The following FGF18 variants were observed in gnomAD, a reference collection of about 807,000 sequenced individuals.
FGF18 encodes fibroblast growth factor 18.
Under a neutral mutation model 23.0 loss-of-function variants are expected in FGF18, and 5 were observed. The ratio of observed to expected loss-of-function variants is 0.22; its 90% confidence interval spans 0.11 to 0.46. FGF18 has a LOEUF of 0.46. FGF18 is among the 20% of genes least tolerant of loss of function. The pLI is 0.99. For missense variants in FGF18, 180 were observed against 291.6 expected (o/e 0.62, Z 2.79); for synonymous variants, 117 against 118.9 (o/e 0.98, Z 0.10).
At chr5:171,452,056 G>A (rs1459117554) in intron 4 of FGF18, among the ~76,000 whole-genome samples, 5 of 152,188 alleles carry the variant, frequency 3.3e-5, no homozygotes, top group African/African-American at 9.7e-5. Context: ...GGGCTCCGGG[G>A]GCACCAAAGA....
At chr5:171,430,056 A>G (rs1298354053) in intron 2 of FGF18, among the ~76,000 whole-genome samples, 1 of 152,206 alleles carries the variant, frequency 6.6e-6, no homozygotes, top group African/African-American at 2.4e-5. Flanking sequence ...TCTCTGTAAA[A>G]TGGGAATAAT....
chr5:171,424,466 G>C (rs1772062465), intron 2 of FGF18, among the ~76,000 whole-genome samples: 1 of 152,244 alleles, frequency 6.6e-6, no homozygotes, highest in Non-Finnish European at 1.5e-5. Context: ...TTCACAGATG[G>C]AGAAACCGAG....
intron 2 of FGF18, among the ~76,000 whole-genome samples, chr5:171,424,444 T>C (rs1772062257): frequency 6.6e-6 from 1 of 152,174 alleles, no homozygotes; most frequent in Admixed American, 6.5e-5. Flanking sequence ...CAAGAGAGGG[T>C]AATAATTCTG....
At chr5:171,449,492 G>A (rs377015632) in intron 4 of FGF18, among the ~76,000 whole-genome samples, 5 of 151,442 alleles carry the variant, frequency 3.3e-5, no homozygotes, top group Admixed American at 6.6e-5. Flanking sequence ...TCTCTTCCCC[G>A]GGCACTTGAA....
intron 3 of FGF18, among the ~76,000 whole-genome samples, chr5:171,437,779 A>T (rs537762230): frequency 4.9e-4 from 74 of 152,298 alleles, no homozygotes; most frequent in African/African-American, 1.5e-3. Flanking sequence ...TGGCCGTGGC[A>T]GGAGGAGGTG....
chr5:171,432,344 A>G (rs1378307353), intron 2 of FGF18, among the ~76,000 whole-genome samples: 1 of 150,756 alleles, frequency 6.6e-6, no homozygotes, highest in African/African-American at 2.4e-5. Context: ...CTGAGGTGCC[A>G]TGTCTGGGGG....
intron 4 of FGF18, among the ~76,000 whole-genome samples, chr5:171,450,959 G>A (rs1772495706): frequency 6.6e-6 from 1 of 151,990 alleles, no homozygotes; most frequent in African/African-American, 2.4e-5. Flanking sequence ...CCCACGCCGC[G>A]GCCCGCCCTC....
At position 171,438,394 on chromosome 5, in the gene FGF18, G is replaced by A. The variant is rs571049743; in HGVS notation, c.250+2121G>A. Among the ~76,000 whole-genome samples, 20 of 152,082 alleles carry A rather than the reference G, an allele frequency of 1.3e-4. 1 individual carries two copies. In the South Asian group the frequency reaches 2.7e-3, roughly 21 times the overall value. ...TGGGATTACAGGTGTGAGCATGGCC[G>A]CGCCCGGCCATGCTTCTTAAGTGTA... On this transcript the variant is annotated intron_variant, in intron 3 of 4. Transcript: ENST00000274625.
At chr5:171,444,451 A>T (rs568656108) in intron 3 of FGF18, among the ~76,000 whole-genome samples, 51 of 152,368 alleles carry the variant, frequency 3.3e-4, no homozygotes, top group African/African-American at 1.1e-3. Context: ...AATGCATGTA[A>T]GGTAGTTAGG....
At chr5:171,425,155 T>C (rs901120271) in intron 2 of FGF18, among the ~76,000 whole-genome samples, 1 of 152,132 alleles carries the variant, frequency 6.6e-6, no homozygotes, top group Admixed American at 6.5e-5. Flanking sequence ...GTGTGGAAAA[T>C]TGGGGTGCAG....
intron 3 of FGF18, among the ~76,000 whole-genome samples, chr5:171,438,642 C>T (rs1772289595): frequency 1.3e-5 from 2 of 152,072 alleles, no homozygotes; most frequent in Non-Finnish European, 1.5e-5. Flanking sequence ...ACTCCTCCGA[C>T]CCCCCGACAC....
chr5:171,449,596 G>GGCACCCCGGCTACATGTCCCT (rs983435999), intron 4 of FGF18, among the ~76,000 whole-genome samples: 9 of 151,998 alleles, frequency 5.9e-5, no homozygotes, highest in African/African-American at 1.7e-4. Flanking sequence ...GGGGCTCTGG[G>GGCACCCCGGCTACATGTCCCT]GCACCCCGGC....
At chr5:171,432,005 C>T (rs1057093353) in intron 2 of FGF18, among the ~76,000 whole-genome samples, 71 of 152,186 alleles carry the variant, frequency 4.7e-4, no homozygotes, top group African/African-American at 1.5e-3. Flanking sequence ...GCCGAGATCG[C>T]GCCACTGCAC....
intron 2 of FGF18, among the ~76,000 whole-genome samples, chr5:171,432,791 G>A (rs958231081): frequency 2.6e-5 from 4 of 152,212 alleles, no homozygotes; most frequent in African/African-American, 7.2e-5. Flanking sequence ...CCCTCTGTGG[G>A]GCACTCTGGT....
At chr5:171,424,241 GCCCCCTCCTCT>G (rs1772060395) in intron 2 of FGF18, among the ~76,000 whole-genome samples, 1 of 152,198 alleles carries the variant, frequency 6.6e-6, no homozygotes, top group Non-Finnish European at 1.5e-5. Flanking sequence ...TGTCTATTCT[GCCCCCTCCTCT>G]CCCAGCACTG....
chr5:171,423,513 G>A (rs879597726), intron 2 of FGF18, among the ~76,000 whole-genome samples: 7 of 152,138 alleles, frequency 4.6e-5, no homozygotes, highest in Admixed American at 2.0e-4. Context: ...TCGGCGGGGT[G>A]GGGGGGCATC....
Position 171,457,278 on chromosome 5 carries a change from C to G in FGF18, c.*473C>G, listed in dbSNP as rs1421799125. 9.0e-5 allele frequency: 14 copies of G among 155,452 alleles called. No homozygotes were observed. The highest frequency in any genetic ancestry group is 1.6e-4 in the Non-Finnish European group (11 of 70,216). The allele number at this position is 155,452 out of a possible 1,614,324, so 9.6% of individuals were successfully genotyped here. A position where few individuals can be genotyped will look rare whatever the true frequency, so the allele number is the denominator to read the frequency against. The stretch of plus-strand genomic sequence containing the variant: ...GCCCCAAACTCCAACAAAAATCGCT[C>G]TCTGGTTTGCAGTCATTTATTTATT... On this transcript the variant is annotated 3_prime_UTR_variant, in exon 5 of 5. Transcript: ENST00000274625.
At chr5:171,447,927 G>A (rs968925274) in intron 3 of FGF18, among the ~76,000 whole-genome samples, 2 of 152,106 alleles carry the variant, frequency 1.3e-5, no homozygotes, top group Non-Finnish European at 2.9e-5. Flanking sequence ...TGGGAGTGGG[G>A]CGGTCACAGG....
chr5:171,425,669 T>A (rs62383987), intron 2 of FGF18, among the ~76,000 whole-genome samples: 24,447 of 151,804 alleles, frequency 0.16, 2,253 homozygotes, highest in South Asian at 0.31. Context: ...TAGCTGGGAC[T>A]ACAGGCACGA....
Sources: gnomAD v4.1 joint callset for allele counts (sites outside exome capture counted in the v4.1 genomes callset) on GRCh38, gnomAD v4.1.1 for gene constraint, MANE v1.5 for transcripts, NCBI Gene and HGNC (gene_info 2026-07-23, HGNC 2026-07-21) for gene names.